Variants in ARSB observed in about 807,000 individuals in gnomAD.
The protein encoded by ARSB is N-acetylgalactosamine-4-sulfatase.
ARSB carries 41 observed loss-of-function variants against 50.9 expected under a neutral mutation model. The ratio of observed to expected loss-of-function variants is 0.81; its 90% confidence interval spans 0.63 to 1.04. The LOEUF (loss-of-function observed/expected upper bound fraction) is 1.04, where lower values mean the gene tolerates loss of function less well. Among genes scored for constraint, ARSB ranks in the 50% least tolerant of loss-of-function variants. The pLI, the probability that ARSB is intolerant of heterozygous loss-of-function variation, is 0.00. For missense variants in ARSB, 672 were observed against 693.3 expected (o/e 0.97, Z 0.35); for synonymous variants, 269 against 284.8 (o/e 0.94, Z 0.56).
rs894258651 is a variant in ARSB at position 78,779,757 on chromosome 5, T to C, written c.*640A>G. On this transcript the variant is annotated 3_prime_UTR_variant, in exon 8 of 8. Coordinates refer to ENST00000264914, the MANE Select transcript of ARSB (RefSeq NM_000046.5). ...CAGGAAGTCTAGACAGAGTGAGCAA[T>C]GGCTGGGGGGAAATAAATTACGATA... 4.5e-5 allele frequency: 7 copies of C among 153,914 alleles called. No homozygotes were observed. The highest frequency in any genetic ancestry group is 7.2e-5 in the Non-Finnish European group (5 of 69,384). 9.5% of individuals were successfully genotyped at this position (153,914 alleles called of 1,614,324 possible).
At chr5:78,896,846 T>C (rs1748586779) in intron 4 of ARSB, among the ~76,000 whole-genome samples, 1 of 152,206 alleles carries the variant, frequency 6.6e-6, no homozygotes, top group African/African-American at 2.4e-5. Context: ...ATGGAATTTA[T>C]ATACAATACT....
At chr5:78,827,093 A>T (rs955221173) in intron 6 of ARSB, among the ~76,000 whole-genome samples, 1 of 152,184 alleles carries the variant, frequency 6.6e-6, no homozygotes, top group Non-Finnish European at 1.5e-5. Flanking sequence ...GGCTCCATCA[A>T]ATAGAGCCCA....
chr5:78,829,656 C>T (rs866653481), intron 6 of ARSB, among the ~76,000 whole-genome samples: 3 of 152,020 alleles, frequency 2.0e-5, no homozygotes, highest in South Asian at 2.1e-4. Context: ...CTAAACAGGC[C>T]GTTTAGTCTG....
At chr5:78,803,846 T>G (rs1420461506) in intron 6 of ARSB, among the ~76,000 whole-genome samples, 2 of 152,272 alleles carry the variant, frequency 1.3e-5, no homozygotes, top group East Asian at 3.8e-4. Flanking sequence ...GAACTGGTTT[T>G]ATCCCATTTG....
At chr5:78,966,563 G>A (rs951385674) in intron 2 of ARSB, among the ~76,000 whole-genome samples, 6 of 152,320 alleles carry the variant, frequency 3.9e-5, no homozygotes, top group African/African-American at 1.4e-4. Context: ...ACAGTGAGAA[G>A]AGCTGTGTGG....
rs575772241 is a variant in ARSB at position 78,980,776 on chromosome 5, A to C, written c.312+4161T>G. Among the ~76,000 whole-genome samples the C allele has an allele frequency of 4.0e-5, 6 of 148,246 alleles. No homozygotes were observed. In the South Asian group the frequency reaches 1.2e-3, roughly 31 times the overall value. On this transcript the variant is annotated intron_variant, in intron 1 of 7. Coordinates refer to ENST00000264914, the MANE Select transcript of ARSB (RefSeq NM_000046.5). ...TGTGTTTTGGTAGATTTTCACTGTA[A>C]GCCCTTTTGCAGCTTTTAAGTTTTT...
At chr5:78,863,982 T>C (rs1277571974) in intron 5 of ARSB, among the ~76,000 whole-genome samples, 6 of 151,788 alleles carry the variant, frequency 4.0e-5, no homozygotes, top group South Asian at 2.1e-4. Context: ...ACATTCTCTT[T>C]AAAAACCATA....
intron 6 of ARSB, among the ~76,000 whole-genome samples, chr5:78,832,282 T>C (rs339034): frequency 0.81 from 122,466 of 152,018 alleles, 49,584 homozygotes; most frequent in Middle Eastern, 0.84. Context: ...GCAATGGTGC[T>C]GAATGGTGGG....
chr5:78,955,600 T>C, intron 3 of ARSB, 98 bp from the exon 4 acceptor site: 1 of 994,076 alleles, frequency 1.0e-6, no homozygotes, highest in Non-Finnish European at 1.6e-6. Context: ...AAAAATAATA[T>C]CAAGACAACC....
rs180756153 is a variant in ARSB, at chr5:78,921,033, C to T, written c.898+34262G>A. Among the ~76,000 whole-genome samples the T allele has an allele frequency of 6.6e-5, 10 of 152,286 alleles. No individual in the cohort carries two copies. The East Asian group carries it at 1.9e-3, about 29-fold the overall frequency. ...CATCCTATCAGTCTCTCCACTCTCT[C>T]ATAAACCTTGATGAATTCAAAGCTG... is the stretch of plus-strand genomic sequence containing the variant. On this transcript the variant is annotated intron_variant, in intron 4 of 7. Coordinates refer to ENST00000264914, the MANE Select transcript of ARSB (RefSeq NM_000046.5).
chr5:78,947,684 G>A (rs80144006), intron 4 of ARSB, among the ~76,000 whole-genome samples: 1,632 of 152,280 alleles, frequency 0.011, 35 homozygotes, highest in African/African-American at 0.037. Context: ...AATGTTGGTG[G>A]GAATGTGAGT....
intron 4 of ARSB, among the ~76,000 whole-genome samples, chr5:78,923,552 G>A (rs1446024212): frequency 6.6e-6 from 1 of 152,244 alleles, no homozygotes; most frequent in Admixed American, 6.5e-5. Context: ...GGAGCTGAAG[G>A]ATGCAATTGT....
intron 5 of ARSB, among the ~76,000 whole-genome samples, chr5:78,845,591 T>A (rs2112014945): frequency 6.6e-6 from 1 of 152,268 alleles, no homozygotes; most frequent in African/African-American, 2.4e-5. Flanking sequence ...TGAGATCATA[T>A]CTCATCGTGG....
At chr5:78,848,822 A>C (rs1423521711) in intron 5 of ARSB, among the ~76,000 whole-genome samples, 2 of 152,156 alleles carry the variant, frequency 1.3e-5, no homozygotes, top group East Asian at 3.8e-4. Flanking sequence ...GATGGCCAGT[A>C]ATGATGAGCA....
At chr5:78,793,361 G>A (rs371550099) in intron 6 of ARSB, among the ~76,000 whole-genome samples, 28 of 152,278 alleles carry the variant, frequency 1.8e-4, no homozygotes, top group South Asian at 6.2e-4. Flanking sequence ...AGAAGACAAC[G>A]CTCTTTTTCC....
chr5:78,890,529 T>C (rs904628751), intron 4 of ARSB, among the ~76,000 whole-genome samples: 1 of 152,180 alleles, frequency 6.6e-6, no homozygotes, highest in Non-Finnish European at 1.5e-5. Context: ...AGCCCATTGC[T>C]TTAGGTCAGG....
intron 6 of ARSB, among the ~76,000 whole-genome samples, chr5:78,804,542 G>T (rs1348946174): frequency 6.6e-6 from 1 of 152,226 alleles, no homozygotes; most frequent in East Asian, 1.9e-4. Flanking sequence ...AGGAGCAAAA[G>T]GGAGAGAGCT....
intron 6 of ARSB, among the ~76,000 whole-genome samples, chr5:78,798,600 C>G (rs971314233): frequency 6.6e-6 from 1 of 152,174 alleles, no homozygotes; most frequent in Admixed American, 6.5e-5. Flanking sequence ...TTGTACGGTT[C>G]ATATTCCGGT....
intron 4 of ARSB, among the ~76,000 whole-genome samples, chr5:78,917,566 G>GT (rs1749616170): frequency 6.6e-6 from 1 of 152,100 alleles, no homozygotes; most frequent in Admixed American, 6.5e-5. Context: ...AGGCTGGAGT[G>GT]TGGTGGCACA....
Sources: allele counts gnomAD v4.1 joint callset (sites outside exome capture counted in the v4.1 genomes callset), GRCh38; gene constraint gnomAD v4.1.1; transcripts MANE v1.5; gene names NCBI Gene and HGNC (gene_info 2026-07-23, HGNC 2026-07-21).